COL21A1: variants seen among roughly 807,000 people sequenced by gnomAD.
The protein encoded by COL21A1 is collagen alpha-1(XXI) chain.
In COL21A1, 149 loss-of-function variants were observed where a neutral mutation model predicts 137.9. That is an observed-to-expected ratio of 1.08 (90% confidence interval 0.95 to 1.24). The LOEUF is 1.24. COL21A1 is among the 50% of genes most tolerant of loss of function. COL21A1 has a pLI of 0.00. For missense variants in COL21A1, 1,167 were observed against 1,158.4 expected, an observed-to-expected ratio of 1.01 and a Z score of -0.11; for synonymous variants, 456 against 391.5, an observed-to-expected ratio of 1.16 and a Z score of -1.95.
intron 17 of COL21A1, among the ~76,000 whole-genome samples, chr6:56,091,857 G>A (rs1027614444): frequency 1.3e-5 from 2 of 152,132 alleles, no homozygotes; most frequent in African/African-American, 2.4e-5. Flanking sequence ...TTGAAAATGA[G>A]TATTTTCTGT....
chr6:56,141,986 A>G lies in COL21A1; in HGVS notation c.1435-3T>C, dbSNP rs753663382. On this transcript the variant is annotated splice_polypyrimidine_tract_variant and splice_region_variant and intron_variant, in intron 10 of 29. Coordinates refer to ENST00000244728, the MANE Select transcript of COL21A1 (RefSeq NM_030820.4). ...GTCCCTGCAATTCCCTGATATCCCT[A>G]AAGAAAAATTTAAAAAGAAAAAAAA... The G allele has an allele frequency of 6.6e-6, 10 of 1,515,946 alleles. No homozygotes were observed. The highest frequency in any genetic ancestry group is 8.0e-6 in the Non-Finnish European group (9 of 1,126,580). 93.9% of individuals were successfully genotyped at this position (1,515,946 alleles called of 1,614,324 possible). A position where few individuals can be genotyped will look rare whatever the true frequency, so the allele number is the denominator to read the frequency against.
intron 1 of COL21A1, among the ~76,000 whole-genome samples, chr6:56,216,129 G>C (rs1256529976): frequency 6.6e-6 from 1 of 151,946 alleles, no homozygotes; most frequent in African/African-American, 2.4e-5. Flanking sequence ...CACTTTCTCT[G>C]ATGGCTTCTC....
chr6:56,234,914 CACA>C (rs888582545), intron 1 of COL21A1, among the ~76,000 whole-genome samples: 9 of 100,126 alleles, frequency 9.0e-5, no homozygotes, highest in African/African-American at 3.1e-4. Context: ...ATCCAGAAAA[CACA>C]ACATCTTCCC....
intron 12 of COL21A1, among the ~76,000 whole-genome samples, chr6:56,127,949 G>A (rs573914890): frequency 6.6e-6 from 1 of 152,158 alleles, no homozygotes; most frequent in African/African-American, 2.4e-5. Context: ...GCCCATAAAC[G>A]TGGACATCCC....
At chr6:56,345,967 A>G (rs771222301) in intron 1 of COL21A1, among the ~76,000 whole-genome samples, 9 of 152,188 alleles carry the variant, frequency 5.9e-5, no homozygotes, top group Non-Finnish European at 1.2e-4. Context: ...TTCACTTTTC[A>G]ACACTTGGCT....
At chr6:56,072,601 C>T (rs994041521) in intron 20 of COL21A1, among the ~76,000 whole-genome samples, 2 of 151,336 alleles carry the variant, frequency 1.3e-5, no homozygotes, top group African/African-American at 2.4e-5. Context: ...TTAAATCCAG[C>T]CCAATGCAAG....
chr6:56,182,656 CCTAGGGGG>C lies in COL21A1; in HGVS notation c.-38-8_-38-1del. The C allele has an allele frequency of 7.3e-7, 1 of 1,371,206 alleles. No homozygotes were observed. Among genetic ancestry groups the C allele is most frequent in the African/African-American group, 1.4e-5 (1 of 69,058 alleles). 84.9% of individuals were successfully genotyped at this position (1,371,206 alleles called of 1,614,324 possible). A position where few individuals can be genotyped will look rare whatever the true frequency, so the allele number is the denominator to read the frequency against. On this transcript the variant is annotated splice_acceptor_variant and splice_polypyrimidine_tract_variant and intron_variant, in intron 1 of 29. Coordinates refer to ENST00000244728, the MANE Select transcript of COL21A1 (RefSeq NM_030820.4). LOFTEE classifies it low-confidence loss of function (5UTR_SPLICE). ...GTTCTAATATTTTGGTTTTAGGATT[CCTAGGGGG>C]AAAAAAAAGGCAAGTTAAATATATT...
chr6:56,372,052 T>C (rs1215575742), intron 1 of COL21A1, among the ~76,000 whole-genome samples: 1 of 152,116 alleles, frequency 6.6e-6, no homozygotes, highest in Non-Finnish European at 1.5e-5. Context: ...CTCCAAGATG[T>C]TTATTCCCCC....
At chr6:56,277,005 A>G (rs138064552) in intron 1 of COL21A1, among the ~76,000 whole-genome samples, 5 of 116,306 alleles carry the variant, frequency 4.3e-5, no homozygotes, top group Admixed American at 7.8e-5. Context: ...TATTTTTAGT[A>G]GAGATGGGTT....
chr6:56,320,518 A>AACACACACAC (rs55942460), intron 1 of COL21A1, among the ~76,000 whole-genome samples: 4 of 149,492 alleles, frequency 2.7e-5, no homozygotes, highest in African/African-American at 9.9e-5. Context: ...ACACAATCTG[A>AACACACACAC]ACACACACAC....
At chr6:56,238,759 C>G (rs1160840139) in intron 1 of COL21A1, among the ~76,000 whole-genome samples, 1 of 152,138 alleles carries the variant, frequency 6.6e-6, no homozygotes, top group Non-Finnish European at 1.5e-5. Flanking sequence ...GCTCCAGGTC[C>G]TCAGTTACAT....
chr6:56,232,076 G>A (rs530572697), intron 1 of COL21A1, among the ~76,000 whole-genome samples: 85 of 151,978 alleles, frequency 5.6e-4, no homozygotes, highest in African/African-American at 2.0e-3. Flanking sequence ...GGGATGGCAA[G>A]AGAGAACTAG....
intron 1 of COL21A1, among the ~76,000 whole-genome samples, chr6:56,253,357 C>A (rs181384241): frequency 1.7e-3 from 264 of 152,238 alleles, no homozygotes; most frequent in Non-Finnish European, 2.7e-3. Flanking sequence ...TACAAATGAA[C>A]CTTTGACCCA....
intron 10 of COL21A1, among the ~76,000 whole-genome samples, chr6:56,144,203 A>G (rs1282627482): frequency 1.3e-5 from 2 of 152,196 alleles, no homozygotes; most frequent in Non-Finnish European, 2.9e-5. Flanking sequence ...GTTCTAAATT[A>G]TCTTTTTTTC....
At chr6:56,244,538 CATT>C (rs1481670139) in intron 1 of COL21A1, among the ~76,000 whole-genome samples, 1 of 152,140 alleles carries the variant, frequency 6.6e-6, no homozygotes, top group Non-Finnish European at 1.5e-5. Context: ...AGTTTAATAA[CATT>C]AAATTCTAAT....
At chr6:56,153,182 T>C (rs1775455356) in intron 10 of COL21A1, among the ~76,000 whole-genome samples, 1 of 152,206 alleles carries the variant, frequency 6.6e-6, no homozygotes, top group Non-Finnish European at 1.5e-5. Flanking sequence ...TTGGAGTCTA[T>C]TCCTTCAATT....
intron 1 of COL21A1, among the ~76,000 whole-genome samples, chr6:56,241,023 C>A (rs1782283578): frequency 6.6e-6 from 1 of 152,150 alleles, no homozygotes; most frequent in Non-Finnish European, 1.5e-5. Flanking sequence ...CTGCTCCCTC[C>A]CCATTCCATA....
intron 1 of COL21A1, among the ~76,000 whole-genome samples, chr6:56,241,917 G>A (rs1256241312): frequency 6.6e-6 from 1 of 152,028 alleles, no homozygotes; most frequent in African/African-American, 2.4e-5. Flanking sequence ...TTTTAAAAAA[G>A]AAACAGCAGA....
In COL21A1 at chr6:56,179,728, T is replaced by A; in HGVS notation, c.490A>T (p.Thr164Ser). 1 of 1,613,980 alleles carries A rather than the reference T, an allele frequency of 6.2e-7. No homozygotes were observed. The highest frequency in any genetic ancestry group is 8.5e-7 in the Non-Finnish European group (1 of 1,179,880). Reference sequence around the variant, plus strand: ...GAACCAACACCAATAGCAAATAATGTTATCTTACTATCTCTTGCTGCTTGA... The same window carrying A: ...GAACCAACACCAATAGCAAATAATGATATCTTACTATCTCTTGCTGCTTGA... ...AAQAARDSKI[T>S]LFAIGVGSET... is the part of the protein sequence containing the mutation. The change falls in exon 3 of 30, where the codon ACA becomes TCA. Residue 164 changes from threonine to serine, a missense_variant. Thr to Ser is a moderately conservative substitution (Grantham distance 58). Coordinates refer to ENST00000244728, the MANE Select transcript of COL21A1 (RefSeq NM_030820.4).
Sources: allele counts gnomAD v4.1 joint callset (sites outside exome capture counted in the v4.1 genomes callset), GRCh38; gene constraint gnomAD v4.1.1; transcripts MANE v1.5; gene names NCBI Gene and HGNC (gene_info 2026-07-23, HGNC 2026-07-21).